Variants in HAPLN1 observed in about 807,000 individuals in gnomAD.
HAPLN1 encodes the protein hyaluronan and proteoglycan link protein 1.
HAPLN1 carries 13 observed loss-of-function variants against 36.5 expected under a neutral mutation model. The observed-to-expected ratio is 0.36, with a 90% confidence interval of 0.23 to 0.57. The LOEUF (loss-of-function observed/expected upper bound fraction) is 0.57. Among genes scored for constraint, HAPLN1 ranks in the 20% least tolerant of loss-of-function variants. The probability of loss-of-function intolerance (pLI) is 0.83; values close to 1 mark genes in which losing one functional copy is unlikely to be tolerated. For synonymous variants in HAPLN1, 202 were observed against 169.8 expected, an observed-to-expected ratio of 1.19 and a Z score of -1.48; for missense variants, 407 against 439.7, an observed-to-expected ratio of 0.93 and a Z score of 0.66.
At chr5:83,685,587 A>G (rs1323339943) in intron 1 of HAPLN1, among the ~76,000 whole-genome samples, 6 of 152,232 alleles carry the variant, frequency 3.9e-5, no homozygotes, top group Admixed American at 3.9e-4. Context: ...ATGTTACAAA[A>G]GTGTAAACTT....
chr5:83,661,376 C>T (rs1750381815), intron 2 of HAPLN1, among the ~76,000 whole-genome samples: 1 of 150,418 alleles, frequency 6.6e-6, no homozygotes, highest in African/African-American at 2.5e-5. Context: ...AGTTGCCATC[C>T]ATTCCTTGTT....
chr5:83,664,363 A>C (rs1319504314), intron 2 of HAPLN1, among the ~76,000 whole-genome samples: 1 of 152,030 alleles, frequency 6.6e-6, no homozygotes, highest in Non-Finnish European at 1.5e-5. Context: ...GTGCTCTCTC[A>C]CAACCTTTTT....
chr5:83,643,827 G>GT (rs1749774311), intron 4 of HAPLN1, among the ~76,000 whole-genome samples: 2 of 152,182 alleles, frequency 1.3e-5, no homozygotes, highest in African/African-American at 4.8e-5. Flanking sequence ...GCTGAGAGGT[G>GT]TATGAATAAA....
chr5:83,675,067 T>A (rs888690208), intron 1 of HAPLN1, among the ~76,000 whole-genome samples: 7 of 152,228 alleles, frequency 4.6e-5, no homozygotes, highest in African/African-American at 1.4e-4. Flanking sequence ...GAAGTTCACT[T>A]CCTTGTTCCT....
intron 1 of HAPLN1, among the ~76,000 whole-genome samples, chr5:83,677,743 T>C (rs1401876086): frequency 6.6e-6 from 1 of 152,206 alleles, no homozygotes; most frequent in Admixed American, 6.5e-5. Context: ...CTTGAACAAG[T>C]ATACAAATCA....
chr5:83,690,111 C>T (rs557101891), intron 1 of HAPLN1, among the ~76,000 whole-genome samples: 9 of 151,976 alleles, frequency 5.9e-5, no homozygotes, highest in Non-Finnish European at 8.8e-5. Flanking sequence ...AGGAAGGCTA[C>T]GTGGGACACA....
chr5:83,704,928 T>C (rs1196306733), intron 1 of HAPLN1, among the ~76,000 whole-genome samples: 18 of 152,306 alleles, frequency 1.2e-4, no homozygotes, highest in South Asian at 2.1e-4. Context: ...TACAGAACTG[T>C]CCATCCGAAA....
chr5:83,656,327 C>CAAAAAAAAAAAAAAA (rs35902132), intron 2 of HAPLN1, among the ~76,000 whole-genome samples: 1 of 59,804 alleles, frequency 1.7e-5, no homozygotes, highest in African/African-American at 6.9e-5. Context: ...GACTACGTCT[C>CAAAAAAAAAAAAAAA]AAAAAAAAAA....
chr5:83,701,866 C>T (rs1580160596), intron 1 of HAPLN1, among the ~76,000 whole-genome samples: 1 of 151,794 alleles, frequency 6.6e-6, no homozygotes, highest in Non-Finnish European at 1.5e-5. Context: ...ACGGAGGTTG[C>T]GGTGAGCCGA....
At chr5:83,693,439 A>G (rs546926431) in intron 1 of HAPLN1, among the ~76,000 whole-genome samples, 1 of 152,014 alleles carries the variant, frequency 6.6e-6, no homozygotes, top group African/African-American at 2.4e-5. Context: ...TGAAGAACAG[A>G]AGAGGCAAAT....
At chr5:83,665,620 T>C (rs1750530392) in intron 2 of HAPLN1, among the ~76,000 whole-genome samples, 1 of 152,228 alleles carries the variant, frequency 6.6e-6, no homozygotes, top group African/African-American at 2.4e-5. Context: ...CATACTTGAC[T>C]GTAGTAAAAT....
intron 2 of HAPLN1, among the ~76,000 whole-genome samples, chr5:83,672,036 T>A (rs761706573): frequency 6.6e-6 from 1 of 152,186 alleles, no homozygotes; most frequent in Non-Finnish European, 1.5e-5. Context: ...ATTTTTCAAA[T>A]GTTAGTACAT....
At chr5:83,684,630 G>A (rs7735782) in intron 1 of HAPLN1, among the ~76,000 whole-genome samples, 15,098 of 152,196 alleles carry the variant, frequency 0.099, 1,071 homozygotes, top group African/African-American at 0.2. Flanking sequence ...AGGGAGCTTG[G>A]CCTGCTTGTG....
Position 83,700,193 on chromosome 5 carries a change from CAA to C in HAPLN1, c.-27+20594_-27+20595del, listed in dbSNP as rs58457969. Among the ~76,000 whole-genome samples, 482 of 99,264 alleles carry C rather than the reference CAA, an allele frequency of 4.9e-3. 4 individuals carry two copies. The highest frequency in any genetic ancestry group is 0.018 in the African/African-American group (426 of 24,066). 65.1% of individuals were successfully genotyped at this position (99,264 alleles called of 152,430 possible). A position where few individuals can be genotyped will look rare whatever the true frequency, so the allele number is the denominator to read the frequency against. ...TGGGTGACAGAGTGAGACTCCATCT[CAA>C]AAAAAAAAAAAAAAAAAAGACAACC... On this transcript the variant is annotated intron_variant, in intron 1 of 4. Transcript: ENST00000274341.
At chr5:83,645,445 T>G (rs548748114) in intron 3 of HAPLN1, among the ~76,000 whole-genome samples, 2 of 148,982 alleles carry the variant, frequency 1.3e-5, no homozygotes, top group East Asian at 4.0e-4. Flanking sequence ...ATTGTGAGAT[T>G]TTTTGTGATT....
At chr5:83,717,086 C>T (rs1184605887) in intron 1 of HAPLN1, among the ~76,000 whole-genome samples, 1 of 152,040 alleles carries the variant, frequency 6.6e-6, no homozygotes, top group Non-Finnish European at 1.5e-5. Flanking sequence ...ACTTTAAGGA[C>T]CTCTGACTTT....
intron 2 of HAPLN1, among the ~76,000 whole-genome samples, chr5:83,656,496 T>C (rs545073532): frequency 2.6e-5 from 4 of 152,136 alleles, no homozygotes; most frequent in Admixed American, 2.6e-4. Flanking sequence ...AAGTGTCCAT[T>C]TCCCCTTTTC....
In HAPLN1 at chr5:83,688,642, CTTTTT is replaced by C. The variant is rs539790396; in HGVS notation, c.-26-15098_-26-15094del. On this transcript the variant is annotated intron_variant, in intron 1 of 4. Coordinates refer to ENST00000274341, the MANE Select transcript of HAPLN1 (RefSeq NM_001884.4). ...TATTTGCCAAATGCAGCTTTTGATT[CTTTTT>C]TTTTTTTTTTTTTTTTTTTTTTTTC... 4.1e-3 allele frequency among the ~76,000 whole-genome samples: 332 copies of C among 80,556 alleles called. 1 individual carries two copies. The highest frequency in any genetic ancestry group is 0.011 in the South Asian group (23 of 2,008). 52.8% of individuals were successfully genotyped at this position (80,556 alleles called of 152,430 possible). A position where few individuals can be genotyped will look rare whatever the true frequency, so the allele number is the denominator to read the frequency against.
At chr5:83,690,680 A>G (rs184421331) in intron 1 of HAPLN1, among the ~76,000 whole-genome samples, 27 of 152,002 alleles carry the variant, frequency 1.8e-4, no homozygotes, top group Admixed American at 1.6e-3. Flanking sequence ...TAATTTATGA[A>G]TTTGCGCACC....
Sources: allele counts gnomAD v4.1 joint callset (sites outside exome capture counted in the v4.1 genomes callset), GRCh38; gene constraint gnomAD v4.1.1; transcripts MANE v1.5; gene names NCBI Gene and HGNC (gene_info 2026-07-23, HGNC 2026-07-21).